Variants in FBXW10B observed in about 807,000 individuals in gnomAD.
The protein encoded by FBXW10B is F-box and WD repeat domain containing protein 10B.
chr17:15,618,972 G>A, the FBXW10B span: 35 of 1,599,658 alleles, frequency 2.2e-5, no homozygotes, highest in South Asian at 1.2e-4. Context: ...TCTGGTCTTC[G>A]GGGGCCCTCT....
the FBXW10B span, among the ~76,000 whole-genome samples, chr17:15,617,722 C>T: frequency 2.0e-5 from 3 of 152,180 alleles, no homozygotes; most frequent in Non-Finnish European, 2.9e-5. Flanking sequence ...ACGTTGATTT[C>T]CCTTGCATTC....
the FBXW10B span, chr17:15,573,989 G>C: frequency 1.7e-6 from 1 of 589,080 alleles, no homozygotes; most frequent in East Asian, 2.8e-5. Context: ...TTTTAGTTAT[G>C]TTGATTGCTT....
the FBXW10B span, among the ~76,000 whole-genome samples, chr17:15,609,107 CAAAT>C: frequency 1.4e-5 from 2 of 146,880 alleles, no homozygotes; most frequent in African/African-American, 5.0e-5. Flanking sequence ...ATTCTATCCT[CAAAT>C]AGCCAGAAAT....
the FBXW10B span, chr17:15,569,075 T>C: frequency 1.2e-6 from 1 of 832,846 alleles, no homozygotes; most frequent in Admixed American, 4.3e-5. Context: ...ATCTTTGCTG[T>C]GATGAAAAGT....
At chr17:15,580,482 T>C in the FBXW10B span, among the ~76,000 whole-genome samples, 1 of 135,796 alleles carries the variant, frequency 7.4e-6, no homozygotes, top group African/African-American at 2.5e-5. Context: ...TATACCACTT[T>C]TTGTAATTTG....
the FBXW10B span, among the ~76,000 whole-genome samples, chr17:15,615,138 C>T: frequency 1.3e-5 from 2 of 151,336 alleles, no homozygotes; most frequent in Non-Finnish European, 2.9e-5. Flanking sequence ...CAATTTAATC[C>T]TTGCTCCTCC....
chr17:15,598,563 G>C, the FBXW10B span: 8 of 1,613,450 alleles, frequency 5.0e-6, no homozygotes, highest in Non-Finnish European at 6.8e-6. Context: ...CTCCAGATAC[G>C]AGCCTGTTCT....
the FBXW10B span, chr17:15,568,995 C>T: frequency 8.2e-7 from 1 of 1,218,906 alleles, no homozygotes; most frequent in East Asian, 3.2e-5. Flanking sequence ...ATCTGTCTTC[C>T]ACTCAACTGG....
chr17:15,613,500 A>C, the FBXW10B span: 1 of 814,960 alleles, frequency 1.2e-6, no homozygotes, highest in Non-Finnish European at 1.8e-6. Context: ...AAAAGGCCAC[A>C]AATGTAGAGG....
chr17:15,576,081 C>T, the FBXW10B span, among the ~76,000 whole-genome samples: 2 of 152,282 alleles, frequency 1.3e-5, no homozygotes, highest in African/African-American at 4.8e-5. Context: ...TCATGTTCTC[C>T]TTGTTTTCAG....
the FBXW10B span, among the ~76,000 whole-genome samples, chr17:15,579,180 T>C: frequency 2.0e-5 from 3 of 148,238 alleles, no homozygotes; most frequent in Non-Finnish European, 4.4e-5. Flanking sequence ...TAAAAAGGTG[T>C]CTGTGTGTGT....
chr17:15,583,516 T>C, the FBXW10B span, among the ~76,000 whole-genome samples: 1 of 148,486 alleles, frequency 6.7e-6, no homozygotes, highest in Non-Finnish European at 1.5e-5. Flanking sequence ...CCACATTATA[T>C]ACAGTTGTTT....
At chr17:15,579,313 C>T in the FBXW10B span, among the ~76,000 whole-genome samples, 1 of 152,082 alleles carries the variant, frequency 6.6e-6, no homozygotes, top group Non-Finnish European at 1.5e-5. Flanking sequence ...TTTGTTTTCC[C>T]ATTTTCTTCA....
the FBXW10B span, among the ~76,000 whole-genome samples, chr17:15,575,212 T>A: frequency 6.8e-6 from 1 of 148,054 alleles, no homozygotes; most frequent in Non-Finnish European, 1.5e-5. Context: ...GCTGCCAGAG[T>A]CTAACACTTA....
chr17:15,575,704 G>A, the FBXW10B span, among the ~76,000 whole-genome samples: 28 of 150,882 alleles, frequency 1.9e-4, no homozygotes, highest in Non-Finnish European at 7.4e-5. Flanking sequence ...AAATCTTTAT[G>A]AGAGAAAATT....
At chr17:15,612,335 G>A in the FBXW10B span, among the ~76,000 whole-genome samples, 3 of 151,372 alleles carry the variant, frequency 2.0e-5, no homozygotes, top group South Asian at 2.1e-4. Context: ...GTGAAACCCC[G>A]CCTCTACTAA....
the FBXW10B span, chr17:15,613,000 G>A: frequency 6.4e-6 from 2 of 312,204 alleles, no homozygotes; most frequent in Admixed American, 1.3e-4. Context: ...CAGATCGAAT[G>A]GAGGAGAAAA....
chr17:15,588,851 G>A, the FBXW10B span: 2 of 1,613,822 alleles, frequency 1.2e-6, no homozygotes, highest in Non-Finnish European at 1.7e-6. Flanking sequence ...CCTTTTTCCA[G>A]CCCGTTGCTA....
the FBXW10B span, among the ~76,000 whole-genome samples, chr17:15,577,136 T>C: frequency 6.6e-6 from 1 of 151,822 alleles, no homozygotes; most frequent in South Asian, 2.1e-4. Context: ...GCTAATGTAA[T>C]AAGAACATAA....
Sources: gnomAD v4.1 joint callset for allele counts (sites outside exome capture counted in the v4.1 genomes callset) on GRCh38, gnomAD v4.1.1 for gene constraint, MANE v1.5 for transcripts, NCBI Gene and HGNC (gene_info 2026-07-23, HGNC 2026-07-21) for gene names.